CDH6: variants seen among roughly 807,000 people sequenced by gnomAD.
The protein encoded by CDH6 is cadherin-6.
Under a neutral mutation model 78.0 loss-of-function variants are expected in CDH6, and 31 were observed. The ratio of observed to expected loss-of-function variants is 0.40; its 90% CI spans 0.30 to 0.54. CDH6 has a LOEUF of 0.54. CDH6 is among the 20% of genes least tolerant of loss of function. CDH6 has a pLI of 0.56. For missense variants in CDH6, 724 were observed against 975.9 expected, an observed-to-expected ratio of 0.74 and a Z score of 3.44; for synonymous variants, 376 against 368.8, an observed-to-expected ratio of 1.02 and a Z score of -0.23.
At chr5:31,257,633 T>A (rs1742093168) in intron 1 of CDH6, among the ~76,000 whole-genome samples, 1 of 152,152 alleles carries the variant, frequency 6.6e-6, no homozygotes, top group Non-Finnish European at 1.5e-5. Context: ...ACTTCATCAG[T>A]CTCCCAAGAC....
intron 1 of CDH6, among the ~76,000 whole-genome samples, chr5:31,200,049 G>A (rs1740308371): frequency 2.0e-5 from 3 of 152,128 alleles, no homozygotes; most frequent in South Asian, 4.1e-4. Flanking sequence ...AGCAGCAGAG[G>A]GCATGGGAAT....
At chr5:31,252,426 T>C (rs1741935595) in intron 1 of CDH6, among the ~76,000 whole-genome samples, 1 of 152,006 alleles carries the variant, frequency 6.6e-6, no homozygotes, top group African/African-American at 2.4e-5. Context: ...AACAGCTTCA[T>C]GAAGTCCATT....
intron 1 of CDH6, among the ~76,000 whole-genome samples, chr5:31,235,532 T>C (rs996204423): frequency 7.2e-5 from 11 of 152,196 alleles, no homozygotes; most frequent in Non-Finnish European, 1.5e-4. Context: ...AACTAAGTAC[T>C]CATACAATTT....
chr5:31,245,899 CTTTTTTTTTTT>C (rs71612205), intron 1 of CDH6, among the ~76,000 whole-genome samples: 3 of 87,668 alleles, frequency 3.4e-5, no homozygotes, highest in African/African-American at 1.0e-4. Flanking sequence ...CTCTCTCTCT[CTTTTTTTTTTT>C]TTTTTTTTTT....
chr5:31,199,481 TATATATGTAC>T (rs1740270958), intron 1 of CDH6, among the ~76,000 whole-genome samples: 3 of 13,480 alleles, frequency 2.2e-4, no homozygotes, highest in African/African-American at 4.5e-4. Context: ...CACATATGTG[TATATATGTAC>T]ACACACATAT....
chr5:31,206,499 T>C (rs1292157228), intron 1 of CDH6, among the ~76,000 whole-genome samples: 1 of 152,174 alleles, frequency 6.6e-6, no homozygotes, highest in Non-Finnish European at 1.5e-5. Context: ...GTCAGTCTTA[T>C]AATCACTTAC....
At chr5:31,311,665 G>A (rs913943881) in intron 7 of CDH6, among the ~76,000 whole-genome samples, 3 of 152,194 alleles carry the variant, frequency 2.0e-5, no homozygotes, top group African/African-American at 7.2e-5. Context: ...TGTACAGGAA[G>A]CGTGGCTAGG....
intron 11 of CDH6, 49 bp from the exon 12 acceptor site, chr5:31,322,769 G>C: frequency 6.4e-7 from 1 of 1,562,690 alleles, no homozygotes; most frequent in South Asian, 1.2e-5. Context: ...CATTAATTGG[G>C]CAGCAAATTA....
chr5:31,286,483 C>T (rs7701632), intron 2 of CDH6, among the ~76,000 whole-genome samples: 5,419 of 152,136 alleles, frequency 0.036, 311 homozygotes, highest in African/African-American at 0.12. Context: ...GGCGTAGCTA[C>T]GAAAGAGCTA....
intron 2 of CDH6, among the ~76,000 whole-genome samples, chr5:31,271,227 T>C (rs939450486): frequency 9.2e-5 from 14 of 152,134 alleles, no homozygotes; most frequent in African/African-American, 3.4e-4. Flanking sequence ...TAAGTCATCG[T>C]AGGATGGTGG....
chr5:31,320,899 A>G (rs1487665142), intron 11 of CDH6, among the ~76,000 whole-genome samples: 3 of 151,516 alleles, frequency 2.0e-5, no homozygotes, highest in African/African-American at 7.3e-5. Flanking sequence ...GAATTGCTTG[A>G]ACCTGGGAAG....
chr5:31,239,827 C>G (rs1204766625), intron 1 of CDH6, among the ~76,000 whole-genome samples: 1 of 152,198 alleles, frequency 6.6e-6, no homozygotes, highest in African/African-American at 2.4e-5. Context: ...AGGGATGAAA[C>G]ATGCTTGCCA....
At chr5:31,318,552 A>G (rs533867916) in intron 11 of CDH6, 1 of 229,498 alleles carries the variant, frequency 4.4e-6, no homozygotes, top group African/African-American at 2.2e-5. Flanking sequence ...AAAAGAAATG[A>G]ATGTAATAAA....
chr5:31,250,145 G>A (rs1741869410), intron 1 of CDH6: 1 of 152,324 alleles, frequency 6.6e-6, no homozygotes, highest in South Asian at 2.1e-4. Context: ...TCAGAGTCCA[G>A]AACTCAGATA....
rs1738675312 is a variant in CDH6, at chr5:31,329,026, A to G, written c.*5718A>G. The G allele has an allele frequency of 4.7e-6, 1 of 214,794 alleles. No homozygotes were observed. The highest frequency in any genetic ancestry group is 5.8e-5 in the Admixed American group (1 of 17,158). The allele number at this position is 214,794 out of a possible 1,614,324, so 13.3% of individuals were successfully genotyped here. A position where few individuals can be genotyped will look rare whatever the true frequency, so the allele number is the denominator to read the frequency against. ...TTGGTTTTGTTTTCTTAGACTTATAAATTTGAAAAGAATGCAATTTAAAAA... is the reference window on the plus strand; with the variant it reads ...TTGGTTTTGTTTTCTTAGACTTATAGATTTGAAAAGAATGCAATTTAAAAA... On this transcript the variant is annotated 3_prime_UTR_variant, in exon 12 of 12. Transcript: ENST00000265071.
At chr5:31,230,472 A>C (rs1230448569) in intron 1 of CDH6, among the ~76,000 whole-genome samples, 1 of 152,178 alleles carries the variant, frequency 6.6e-6, no homozygotes, top group Non-Finnish European at 1.5e-5. Flanking sequence ...CTTCCAGTGT[A>C]TTTATTAACA....
At chr5:31,312,391 G>A (rs558775215) in intron 7 of CDH6, among the ~76,000 whole-genome samples, 1 of 152,250 alleles carries the variant, frequency 6.6e-6, no homozygotes, top group Non-Finnish European at 1.5e-5. Context: ...TTAGATTGTG[G>A]CATTCCCCTG....
intron 1 of CDH6, among the ~76,000 whole-genome samples, chr5:31,228,069 G>A (rs184448182): frequency 2.6e-5 from 4 of 152,200 alleles, no homozygotes; most frequent in Admixed American, 2.0e-4. Context: ...GCTTCCAGAG[G>A]TCACCTGTTT....
At chr5:31,245,943 C>CT (rs1443099778) in intron 1 of CDH6, among the ~76,000 whole-genome samples, 5 of 122,698 alleles carry the variant, frequency 4.1e-5, no homozygotes, top group Admixed American at 2.1e-4. Context: ...GAGTTTTGCT[C>CT]GTCACCCAGG....
Sources: allele counts gnomAD v4.1 joint callset (sites outside exome capture counted in the v4.1 genomes callset), GRCh38; gene constraint gnomAD v4.1.1; transcripts MANE v1.5; gene names NCBI Gene and HGNC (gene_info 2026-07-23, HGNC 2026-07-21).